APOC1: variants seen among roughly 807,000 people sequenced by gnomAD.
APOC1 encodes apolipoprotein C-I.
In APOC1, 4 loss-of-function variants were observed where a neutral mutation model predicts 6.7. The observed-to-expected ratio is 0.60, with a 90% CI of 0.29 to 1.37. The LOEUF (loss-of-function observed/expected upper bound fraction) is 1.37. Among genes scored for constraint, APOC1 ranks in the 40% most tolerant of loss-of-function variants. The pLI is 0.09. For synonymous variants in APOC1, 33 were observed against 40.6 expected, an observed-to-expected ratio of 0.81 and a Z score of 0.72; for missense variants, 122 against 99.4, an observed-to-expected ratio of 1.23 and a Z score of -0.97.
rs1568622133 is a variant in APOC1 at position 44,916,149 on chromosome 19, A to AAAAAAAC, written c.59-35_59-34insCAAAAAA. ...AAGACTCCATCTCCAAAAAAAAAAA[A>AAAAAAAC]AAAAAAACAAATTTTGAACCCCTGC... On this transcript the variant is annotated intron_variant, in intron 2 of 3. Transcript: ENST00000592535. 4.5e-5 allele frequency: 68 copies of AAAAAAAC among 1,513,716 alleles called. No homozygotes were observed. The East Asian group carries it at 1.6e-3, about 36-fold the overall frequency. 93.8% of individuals were successfully genotyped at this position (1,513,716 alleles called of 1,614,324 possible). A position where few individuals can be genotyped will look rare whatever the true frequency, so the allele number is the denominator to read the frequency against.
intron 2 of APOC1, among the ~76,000 whole-genome samples, chr19:44,915,769 C>T (rs1277805084): frequency 6.6e-6 from 1 of 151,850 alleles, no homozygotes; most frequent in Non-Finnish European, 1.5e-5. Context: ...GAGTTCGAAA[C>T]CAGCCTGGCC....
chr19:44,916,516 T>C lies in APOC1; in HGVS notation c.194+191T>C, dbSNP rs570373032. ...GTTTCCCTGACTCCCATCCAGGCCA[T>C]ATTTTAAAAGATGGTCTTGGGCTGG... On this transcript the variant is annotated intron_variant, in intron 3 of 3. Transcript: ENST00000592535. The C allele has an allele frequency of 2.7e-5, 20 of 748,896 alleles. No homozygotes were observed. In the South Asian group the frequency reaches 3.6e-4, roughly 13 times the overall value. 46.4% of individuals were successfully genotyped at this position (748,896 alleles called of 1,614,324 possible).
At chr19:44,915,050 G>GC in intron 2 of APOC1, 101 bp downstream of exon 2, 1 of 1,345,596 alleles carries the variant, frequency 7.4e-7, no homozygotes, top group East Asian at 2.4e-5. Flanking sequence ...GAGCTCCGGG[G>GC]CCCCTTCTGG....
chr19:44,919,301 C>G lies in APOC1; in HGVS notation c.*71C>G. On this transcript the variant is annotated 3_prime_UTR_variant, in exon 4 of 4. Coordinates refer to ENST00000592535, the MANE Select transcript of APOC1 (RefSeq NM_001645.5). ...CACCCCAGCGCCTGTGCTGAGGACTCCCTCCATGTGGCCCCAGGTGCCACC... is the reference window on the plus strand; with the variant it reads ...CACCCCAGCGCCTGTGCTGAGGACTGCCTCCATGTGGCCCCAGGTGCCACC... The G allele has an allele frequency of 7.3e-6, 10 of 1,362,682 alleles. No homozygotes were observed. Among genetic ancestry groups the G allele is most frequent in the African/African-American group, 1.4e-5 (1 of 69,374 alleles). The allele number at this position is 1,362,682 out of a possible 1,614,324, so 84.4% of individuals were successfully genotyped here. A position where few individuals can be genotyped will look rare whatever the true frequency, so the allele number is the denominator to read the frequency against.
chr19:44,917,973 C>CA (rs1970038254), intron 3 of APOC1, among the ~76,000 whole-genome samples: 1 of 147,444 alleles, frequency 6.8e-6, no homozygotes. Flanking sequence ...GACTCCATGC[C>CA]AAAAAAGAAA....
At position 44,919,190 on chromosome 19, in the gene APOC1, C is replaced by G. The variant is rs1419388205; in HGVS notation, c.212C>G (p.Thr71Arg). 2 of 1,613,902 alleles carry G rather than the reference C, an allele frequency of 1.2e-6. No individual in the cohort carries two copies. Among genetic ancestry groups the G allele is most frequent in the Admixed American group, 3.3e-5 (2 of 60,006 alleles). ...SAKMREWFSE[T>R]FQKVKEKLKI... ...CCCCACAGGGAGTGGTTTTCAGAGA[C>G]ATTTCAGAAAGTGAAGGAGAAACTC... Residue 71 changes from threonine (T) to arginine (R), a missense_variant, in exon 4 of 4, where the codon ACA becomes AGA. Coordinates refer to ENST00000592535, the MANE Select transcript of APOC1 (RefSeq NM_001645.5).
rs1568621212 is a variant in APOC1 at position 44,914,749 on chromosome 19, C to T, written c.-21+16C>T. On this transcript the variant is annotated intron_variant, in intron 1 of 3. Transcript: ENST00000592535. ...AAGGATTCAGGTTGGTGCTGAGTGC[C>T]TGGGAGGGACACCCGCCTACACTCT... 1.2e-6 allele frequency: 1 copy of T among 806,644 alleles called. No homozygotes were observed. The highest frequency in any genetic ancestry group is 2.7e-5 in the East Asian group (1 of 37,274). 50.0% of individuals were successfully genotyped at this position (806,644 alleles called of 1,614,324 possible).
chr19:44,915,498 G>A (rs938175167), intron 2 of APOC1, among the ~76,000 whole-genome samples: 1 of 150,690 alleles, frequency 6.6e-6, no homozygotes, highest in Non-Finnish European at 1.5e-5. Flanking sequence ...TTTCAGTAGA[G>A]ACAGGGTTTC....
chr19:44,917,420 CA>C (rs893457617), intron 3 of APOC1, among the ~76,000 whole-genome samples: 136 of 150,940 alleles, frequency 9.0e-4, no homozygotes, highest in Non-Finnish European at 1.8e-3. Context: ...AATAGAAATG[CA>C]AAAAAAATTA....
rs1970003814 is a variant in APOC1, at chr19:44,916,192, C to G, written c.61C>G (p.Pro21Ala). 1 of 1,576,062 alleles carries G rather than the reference C, an allele frequency of 6.3e-7. No individual in the cohort carries two copies. Among genetic ancestry groups the G allele is most frequent in the Non-Finnish European group, 8.6e-7 (1 of 1,164,188 alleles). The change falls in exon 3 of 4, where the codon CCA (proline) becomes GCA (alanine). Residue 21 changes from proline (P) to alanine (A), a missense_variant and splice_region_variant. Pro to Ala is a conservative substitution (Grantham distance 27, BLOSUM62 -1). Coordinates refer to ENST00000592535, the MANE Select transcript of APOC1 (RefSeq NM_001645.5). Reference sequence around the variant, plus strand: ...ACCCCTGCCCATCTTCCTGGCAGGCCCAGCCCCAGCCCAGGGGACCCCAGA... The same window carrying G: ...ACCCCTGCCCATCTTCCTGGCAGGCGCAGCCCCAGCCCAGGGGACCCCAGA... ...VVVLSIVLEG[P>A]APAQGTPDVS... is the part of the protein sequence containing the mutation.
At chr19:44,916,401 A>G in intron 3 of APOC1, 76 bp downstream of exon 3, 1 of 1,577,678 alleles carries the variant, frequency 6.3e-7, no homozygotes. Flanking sequence ...TCCAAGATGA[A>G]CAGATTGAAA....
At chr19:44,914,763 C>G (rs370527199) in intron 1 of APOC1, 30 bp downstream of exon 1, 4 of 951,624 alleles carry the variant, frequency 4.2e-6, no homozygotes, top group Non-Finnish European at 6.5e-6. Flanking sequence ...GAGGGACACC[C>G]GCCTACACTC....
At position 44,915,042 on chromosome 19, in the gene APOC1, G is replaced by C. The variant is rs1233882396; in HGVS notation, c.58+93G>C. 15 of 1,396,010 alleles carry C rather than the reference G, an allele frequency of 1.1e-5. No homozygotes were observed. The Admixed American group carries it at 2.5e-4, about 23-fold the overall frequency. The allele number at this position is 1,396,010 out of a possible 1,614,324, so 86.5% of individuals were successfully genotyped here. A position where few individuals can be genotyped will look rare whatever the true frequency, so the allele number is the denominator to read the frequency against. On this transcript the variant is annotated intron_variant, in intron 2 of 3. Coordinates refer to ENST00000592535, the MANE Select transcript of APOC1 (RefSeq NM_001645.5). Reference sequence around the variant, plus strand: ...GTCCCGGCTTAGAGGACCTCTGAGAGCTCCGGGGCCCCTTCTGGGTCGTGG... The same window carrying C: ...GTCCCGGCTTAGAGGACCTCTGAGACCTCCGGGGCCCCTTCTGGGTCGTGG...
intron 3 of APOC1, among the ~76,000 whole-genome samples, chr19:44,917,715 A>G (rs897652640): frequency 2.0e-5 from 3 of 152,190 alleles, no homozygotes; most frequent in African/African-American, 7.2e-5. Context: ...ACAATGGCTC[A>G]CACCTGTAAT....
intron 3 of APOC1, 47 bp downstream of exon 3, chr19:44,916,372 G>A (rs1970009234): frequency 6.2e-7 from 1 of 1,608,098 alleles, no homozygotes; most frequent in Non-Finnish European, 8.5e-7. Context: ...GTGTTTTTGG[G>A]TGGAGCCCTG....
In APOC1 at chr19:44,914,967, G is replaced by C; in HGVS notation, c.58+18G>C. On this transcript the variant is annotated intron_variant, in intron 2 of 3. Coordinates refer to ENST00000592535, the MANE Select transcript of APOC1 (RefSeq NM_001645.5). Reference sequence around the variant, plus strand: ...CTTGGAAGGTAAAAGTGGGATGGGAGAATTGCGGAGTTGGAGATTTGGAAG... The same window carrying C: ...CTTGGAAGGTAAAAGTGGGATGGGACAATTGCGGAGTTGGAGATTTGGAAG... 1 of 1,599,536 alleles carries C rather than the reference G, an allele frequency of 6.3e-7. No individual in the cohort carries two copies. The highest frequency in any genetic ancestry group is 8.6e-7 in the Non-Finnish European group (1 of 1,167,362).
In APOC1 at chr19:44,914,921, G is replaced by A. The variant is rs756261729; in HGVS notation, c.30G>A (p.Leu10=). The A allele has an allele frequency of 1.2e-6, 2 of 1,613,840 alleles. No individual in the cohort carries two copies. Among genetic ancestry groups the A allele is most frequent in the East Asian group, 2.2e-5 (1 of 44,870 alleles). MRLFLSLPV[L]VVVLSIVLEG... is the part of the protein sequence containing the mutation. ...GGCTCTTCCTGTCGCTCCCGGTCCT[G>A]GTGGTGGTTCTGTCGATCGTCTTGG... is the stretch of plus-strand genomic sequence containing the variant. Residue 10 remains leucine, a synonymous_variant, in exon 2 of 4, where the codon CTG becomes CTA. Coordinates refer to ENST00000592535, the MANE Select transcript of APOC1 (RefSeq NM_001645.5).
intron 3 of APOC1, among the ~76,000 whole-genome samples, chr19:44,918,618 C>G (rs1385368949): frequency 6.6e-6 from 1 of 151,926 alleles, no homozygotes; most frequent in African/African-American, 2.4e-5. Context: ...ACCTGGTGAT[C>G]CACCCGCCTC....
At chr19:44,917,405 T>A (rs1052017212) in intron 3 of APOC1, among the ~76,000 whole-genome samples, 3 of 151,664 alleles carry the variant, frequency 2.0e-5, no homozygotes, top group African/African-American at 7.3e-5. Flanking sequence ...GAGAACCCCG[T>A]CCCTAATAGA....
Sources: gnomAD v4.1 joint callset for allele counts (sites outside exome capture counted in the v4.1 genomes callset) on GRCh38, gnomAD v4.1.1 for gene constraint, MANE v1.5 for transcripts, NCBI Gene and HGNC (gene_info 2026-07-23, HGNC 2026-07-21) for gene names.